Variants in CDKAL1 observed in about 807,000 individuals in gnomAD.
CDKAL1 encodes CDKAL1 threonylcarbamoyladenosine tRNA methylthiotransferase.
Under a neutral mutation model 68.2 loss-of-function variants are expected in CDKAL1, and 32 were observed. That is an observed-to-expected ratio of 0.47 (90% CI 0.35 to 0.63). The LOEUF is 0.63. CDKAL1 is among the 30% of genes least tolerant of loss of function. CDKAL1 has a pLI of 0.00. For missense variants in CDKAL1, 606 were observed against 696.7 expected (o/e 0.87, Z 1.47); for synonymous variants, 234 against 244.3 (o/e 0.96, Z 0.39).
At chr6:20,663,221 G>T (rs1769369516) in intron 5 of CDKAL1, among the ~76,000 whole-genome samples, 1 of 143,582 alleles carries the variant, frequency 7.0e-6, no homozygotes, top group South Asian at 2.2e-4. Flanking sequence ...AGAGAGGCTG[G>T]GAAATGTAGT....
chr6:20,972,602 C>T (rs1035803728), intron 10 of CDKAL1, among the ~76,000 whole-genome samples: 1 of 152,198 alleles, frequency 6.6e-6, no homozygotes, highest in Non-Finnish European at 1.5e-5. Flanking sequence ...ATGAACAGCC[C>T]ATCTCTGTTA....
chr6:20,711,268 A>G (rs543878845), intron 5 of CDKAL1, among the ~76,000 whole-genome samples: 1 of 152,340 alleles, frequency 6.6e-6, no homozygotes, highest in East Asian at 1.9e-4. Flanking sequence ...GTATAAACAC[A>G]TTACATTTTC....
chr6:20,696,853 T>C (rs1177915519), intron 5 of CDKAL1, among the ~76,000 whole-genome samples: 4 of 152,200 alleles, frequency 2.6e-5, no homozygotes, highest in Non-Finnish European at 5.9e-5. Context: ...ACAGTATGTG[T>C]TGAAGAATGT....
chr6:20,789,855 C>T (rs1358105415), intron 8 of CDKAL1, among the ~76,000 whole-genome samples: 1 of 152,126 alleles, frequency 6.6e-6, no homozygotes, highest in Non-Finnish European at 1.5e-5. Flanking sequence ...TGAGAAAGCT[C>T]ATTATATTTG....
At chr6:20,671,523 C>T (rs1581354268) in intron 5 of CDKAL1, among the ~76,000 whole-genome samples, 1 of 152,086 alleles carries the variant, frequency 6.6e-6, no homozygotes. Context: ...TAAGTTATCA[C>T]CTTTGTGTAA....
chr6:20,624,360 A>G (rs1375329616), intron 4 of CDKAL1, among the ~76,000 whole-genome samples: 1 of 131,056 alleles, frequency 7.6e-6, no homozygotes, highest in South Asian at 2.6e-4. Flanking sequence ...AAGGAAATGC[A>G]TTCGATTTTT....
At chr6:21,115,174 A>G (rs1331355954) in intron 13 of CDKAL1, among the ~76,000 whole-genome samples, 1 of 152,170 alleles carries the variant, frequency 6.6e-6, no homozygotes, top group East Asian at 1.9e-4. Flanking sequence ...TTTTAATCAG[A>G]TTTGTCTAGT....
rs949256611 is a variant in CDKAL1, at chr6:20,670,829, G to A, written c.371+21452G>A. Among the ~76,000 whole-genome samples the A allele has an allele frequency of 3.3e-5, 5 of 152,152 alleles. No individual in the cohort carries two copies. The East Asian group carries it at 7.7e-4, about 23-fold the overall frequency. On this transcript the variant is annotated intron_variant, in intron 5 of 15. Transcript: ENST00000274695. ...ATTTTACTTTTTGTAATGTAACCTG[G>A]GAACTCTGCATCAGTTGATAGAAAT...
chr6:20,623,401 G>A (rs1187650866), intron 4 of CDKAL1, among the ~76,000 whole-genome samples: 1 of 152,054 alleles, frequency 6.6e-6, no homozygotes, highest in East Asian at 1.9e-4. Context: ...ATATAACATA[G>A]TTTGTCAGCT....
chr6:21,186,407 G>C (rs978514901), intron 13 of CDKAL1, among the ~76,000 whole-genome samples: 1 of 152,110 alleles, frequency 6.6e-6, no homozygotes, highest in Non-Finnish European at 1.5e-5. Flanking sequence ...TTTAAAAAAT[G>C]AATTTTTTGA....
intron 2 of CDKAL1, 65 bp downstream of exon 2, chr6:20,535,459 CAG>C (rs1763131194): frequency 6.6e-6 from 1 of 152,410 alleles, no homozygotes; most frequent in East Asian, 1.9e-4. Flanking sequence ...TTAGAAAATG[CAG>C]AGAGGTAGCC....
intron 13 of CDKAL1, among the ~76,000 whole-genome samples, chr6:21,166,357 T>G (rs1349164423): frequency 6.6e-6 from 1 of 152,122 alleles, no homozygotes. Context: ...GGTGATTAGA[T>G]TTGGACTTTG....
At chr6:20,867,693 A>G (rs540824841) in intron 9 of CDKAL1, among the ~76,000 whole-genome samples, 1 of 152,318 alleles carries the variant, frequency 6.6e-6, no homozygotes, top group South Asian at 2.1e-4. Context: ...AGGCTGACAC[A>G]GAATCATGGG....
At chr6:21,123,224 G>A (rs1358584595) in intron 13 of CDKAL1, among the ~76,000 whole-genome samples, 1 of 152,094 alleles carries the variant, frequency 6.6e-6, no homozygotes, top group Non-Finnish European at 1.5e-5. Flanking sequence ...AGAGGCTGAG[G>A]CAGGTGGGTC....
rs117378215 is a variant in CDKAL1, at chr6:20,738,530, C to A, written c.372-989C>A. On this transcript the variant is annotated intron_variant, in intron 5 of 15. Transcript: ENST00000274695. ...TTGATACACAGTCTTGCTCTGTTGC[C>A]CAGGCTAGAATACAGTGGCGCCATC... 3.5e-5 allele frequency among the ~76,000 whole-genome samples: 5 copies of A among 141,886 alleles called. No homozygotes were observed. In the East Asian group the frequency reaches 1.0e-3, roughly 30 times the overall value. The allele number at this position is 141,886 out of a possible 152,430, so 93.1% of individuals were successfully genotyped here.
intron 9 of CDKAL1, among the ~76,000 whole-genome samples, chr6:20,854,427 A>G (rs1759212481): frequency 6.6e-6 from 1 of 152,220 alleles, no homozygotes; most frequent in African/African-American, 2.4e-5. Context: ...TCATTCAACA[A>G]ATATTTATTG....
intron 12 of CDKAL1, among the ~76,000 whole-genome samples, chr6:21,079,919 C>T (rs1772284639): frequency 6.7e-6 from 1 of 149,000 alleles, no homozygotes; most frequent in Admixed American, 6.7e-5. Flanking sequence ...GCCTCTTTAT[C>T]TTTCTTTTTG....
intron 11 of CDKAL1, among the ~76,000 whole-genome samples, chr6:21,057,055 G>A (rs539266140): frequency 1.7e-4 from 26 of 152,250 alleles, no homozygotes; most frequent in African/African-American, 6.0e-4. Context: ...TTAGGGAGGA[G>A]TCCCTCCTTT....
chr6:20,725,349 T>A (rs915383182), intron 5 of CDKAL1, among the ~76,000 whole-genome samples: 3 of 152,254 alleles, frequency 2.0e-5, no homozygotes, highest in African/African-American at 2.4e-5. Context: ...ATGGAGCACT[T>A]TACCTTGCTT....
Sources: gnomAD v4.1 joint callset for allele counts (sites outside exome capture counted in the v4.1 genomes callset) on GRCh38, gnomAD v4.1.1 for gene constraint, MANE v1.5 for transcripts, NCBI Gene and HGNC (gene_info 2026-07-23, HGNC 2026-07-21) for gene names.